TDRD12: variants seen among roughly 807,000 people sequenced by gnomAD.
The protein encoded by TDRD12 is tudor domain containing 12, also known as putative ATP-dependent RNA helicase TDRD12.
TDRD12 carries 158 observed loss-of-function variants against 133.5 expected under a neutral mutation model. The observed-to-expected ratio is 1.18, with a 90% CI of 1.04 to 1.35. The LOEUF (loss-of-function observed/expected upper bound fraction) is 1.35. TDRD12 is among the 40% of genes most tolerant of loss of function. The pLI, the probability that TDRD12 is intolerant of heterozygous loss-of-function variation, is 0.00. For missense variants in TDRD12, 1,443 were observed against 1,321.3 expected (o/e 1.09, Z -1.43); for synonymous variants, 460 against 477.9 (o/e 0.96, Z 0.49).
chr19:32,825,867 C>T (rs990002513), downstream of TDRD12, among the ~76,000 whole-genome samples: 4 of 152,060 alleles, frequency 2.6e-5, no homozygotes, highest in African/African-American at 7.2e-5. The surrounding 1 kb of genome is among the most constrained non-coding windows in gnomAD (Gnocchi z 4.1). Context: ...GCAACAAGAA[C>T]GAAACTCCAT....
At chr19:32,740,668 G>A (rs1387823286) in intron 3 of TDRD12, among the ~76,000 whole-genome samples, 2 of 152,184 alleles carry the variant, frequency 1.3e-5, no homozygotes, top group Non-Finnish European at 2.9e-5. Flanking sequence ...CCTTTAGGGA[G>A]GCTTGGCTGC....
At chr19:32,781,491 T>C (rs190720839) in intron 11 of TDRD12, among the ~76,000 whole-genome samples, 43 of 152,176 alleles carry the variant, frequency 2.8e-4, no homozygotes, top group African/African-American at 1.0e-3. Flanking sequence ...GTGGAGAGCA[T>C]CCTTTAGTAG....
chr19:32,736,675 C>G (rs1271466898), intron 2 of TDRD12, among the ~76,000 whole-genome samples: 1 of 152,212 alleles, frequency 6.6e-6, no homozygotes, highest in Non-Finnish European at 1.5e-5. Context: ...ACTGTATTTT[C>G]CAACTTATTC....
At chr19:32,768,385 CT>C (rs77912787) in intron 8 of TDRD12, among the ~76,000 whole-genome samples, 2,495 of 142,756 alleles carry the variant, frequency 0.017, 45 homozygotes, top group African/African-American at 0.056. Flanking sequence ...GGTCTTTATT[CT>C]TTTTTTTTTT....
At chr19:32,818,947 G>A (rs1445597146) in intron 27 of TDRD12, among the ~76,000 whole-genome samples, 1 of 152,124 alleles carries the variant, frequency 6.6e-6, no homozygotes, top group Non-Finnish European at 1.5e-5. Context: ...CTAGTGACTT[G>A]CTGGTTTAGT....
At chr19:32,807,622 G>A (rs1184288369) in exon 22 of TDRD12, 1 of 1,535,478 alleles carries the variant, frequency 6.5e-7, no homozygotes, top group African/African-American at 1.4e-5. Context: ...GTCCAGCCAA[G>A]CCCTACCTTC....
exon 10 of TDRD12, chr19:32,827,207 T>A: frequency 8.1e-7 from 1 of 1,232,018 alleles, no homozygotes; most frequent in Non-Finnish European, 1.0e-6. Context: ...CAGAGGTGGT[T>A]GAAGACAGTA....
At chr19:32,817,543 T>C (rs1205538965) in intron 26 of TDRD12, among the ~76,000 whole-genome samples, 1 of 152,084 alleles carries the variant, frequency 6.6e-6, no homozygotes, top group Non-Finnish European at 1.5e-5. Context: ...CTCTTGACTG[T>C]GGTGAGTGTG....
intron 8 of TDRD12, among the ~76,000 whole-genome samples, chr19:32,765,012 A>T (rs1308783152): frequency 6.6e-6 from 1 of 152,228 alleles, no homozygotes; most frequent in African/African-American, 2.4e-5. Context: ...TAATATCCAG[A>T]ATCTACAATG....
intron 22 of TDRD12, among the ~76,000 whole-genome samples, chr19:32,809,604 C>A (rs1966928847): frequency 6.6e-6 from 1 of 152,218 alleles, no homozygotes; most frequent in African/African-American, 2.4e-5. Context: ...GAAGGGCTGT[C>A]TTCTCCAGCA....
chr19:32,789,307 C>CT (rs1337726057), intron 11 of TDRD12, among the ~76,000 whole-genome samples: 1 of 152,174 alleles, frequency 6.6e-6, no homozygotes, highest in African/African-American at 2.4e-5. Context: ...TAAAACATAG[C>CT]TTTTTTGAAA....
At chr19:32,826,056 T>C, downstream of TDRD12, 1 of 1,475,370 alleles carries the variant, frequency 6.8e-7, no homozygotes, top group South Asian at 1.2e-5. Flanking sequence ...TGGAGTTACA[T>C]ATAAATAACC....
intron 8 of TDRD12, among the ~76,000 whole-genome samples, chr19:32,770,895 GTTTA>G (rs1299547187): frequency 6.6e-6 from 1 of 152,126 alleles, no homozygotes; most frequent in African/African-American, 2.4e-5. Flanking sequence ...TGTACTACTG[GTTTA>G]TTTTTCTCAT....
chr19:32,814,535 A>T (rs1337327766), intron 25 of TDRD12, among the ~76,000 whole-genome samples: 1 of 152,226 alleles, frequency 6.6e-6, no homozygotes, highest in Non-Finnish European at 1.5e-5. Context: ...ATGGATTACA[A>T]ATGCAGGTAA....
chr19:32,793,982 C>G (rs1169050585), intron 13 of TDRD12, among the ~76,000 whole-genome samples: 2 of 149,762 alleles, frequency 1.3e-5, no homozygotes, highest in Admixed American at 6.7e-5. Context: ...TTAGTAGAGA[C>G]GGGGTTTCTG....
Position 32,826,406 on chromosome 19 carries a change from A to T in TDRD12, c.896-39A>T, listed in dbSNP as rs547426843. Reference sequence around the variant, plus strand: ...AAGTAAAATAGAAATAATTTTTAGCATTTTAAAAGGCTGACTTTATTTCTT... The same window carrying T: ...AAGTAAAATAGAAATAATTTTTAGCTTTTTAAAAGGCTGACTTTATTTCTT... On this transcript the variant is annotated intron_variant, in intron 8 of 9. Coordinates refer to the TDRD12 transcript ENST00000637289. 48 of 1,244,944 alleles carry T rather than the reference A, an allele frequency of 3.9e-5. 1 individual carries two copies. In the South Asian group the frequency reaches 1.6e-3, roughly 42 times the overall value. 77.1% of individuals were successfully genotyped at this position (1,244,944 alleles called of 1,614,324 possible).
exon 28 of TDRD12, chr19:32,821,244 CAT>C (rs1967377317): frequency 3.0e-6 from 3 of 984,868 alleles, no homozygotes; most frequent in Non-Finnish European, 4.5e-6. Context: ...GAGAAGATGA[CAT>C]AAACTGATAT....
intron 23 of TDRD12, 134 bp from the exon 24 acceptor site, chr19:32,811,076 T>G: frequency 1.5e-6 from 1 of 680,398 alleles, no homozygotes; most frequent in African/African-American, 1.8e-5. Flanking sequence ...AGGCCTTAGT[T>G]TTTTATTTCT....
At chr19:32,814,752 C>G (rs996738024) in intron 25 of TDRD12, among the ~76,000 whole-genome samples, 3 of 152,106 alleles carry the variant, frequency 2.0e-5, no homozygotes, top group African/African-American at 7.2e-5. Flanking sequence ...CTCACCATCT[C>G]CACCCGTTCC....
Sources: allele counts gnomAD v4.1 joint callset (sites outside exome capture counted in the v4.1 genomes callset), GRCh38; gene constraint gnomAD v4.1.1; non-coding constraint Gnocchi (gnomAD v3.1); transcripts MANE v1.5; gene names NCBI Gene and HGNC (gene_info 2026-07-23, HGNC 2026-07-21).